NKAIN1: variants seen among roughly 807,000 people sequenced by gnomAD.
The protein encoded by NKAIN1 is sodium/potassium-transporting ATPase subunit beta-1-interacting protein 1.
A neutral mutation model predicts 31.6 loss-of-function variants in NKAIN1; 13 were observed. The observed-to-expected ratio is 0.41, with a 90% confidence interval of 0.27 to 0.65. The LOEUF (loss-of-function observed/expected upper bound fraction) is 0.65. Among genes scored for constraint, NKAIN1 ranks in the 30% least tolerant of loss-of-function variants. NKAIN1 has a pLI of 0.30. For synonymous variants in NKAIN1, 104 were observed against 109.0 expected (o/e 0.95, Z 0.28); for missense variants, 193 against 262.2 (o/e 0.74, Z 1.82).
chr1:31,190,476 C>T (rs941890831), intron 1 of NKAIN1, among the ~76,000 whole-genome samples: 6 of 152,244 alleles, frequency 3.9e-5, no homozygotes, highest in African/African-American at 1.4e-4. Flanking sequence ...TCCAAGGTCA[C>T]ACAGCAGGTT....
At chr1:31,182,164 A>T (rs1570446645) in intron 5 of NKAIN1, among the ~76,000 whole-genome samples, 1 of 151,934 alleles carries the variant, frequency 6.6e-6, no homozygotes, top group East Asian at 1.9e-4. Context: ...GGAGGCGGCG[A>T]GGCCGGGCCA....
chr1:31,231,692 G>A (rs371604838), intron 1 of NKAIN1, among the ~76,000 whole-genome samples: 24 of 21,120 alleles, frequency 1.1e-3, no homozygotes, highest in Admixed American at 4.1e-3. Context: ...CACCACGCCC[G>A]GCTAATTTTT....
intron 1 of NKAIN1, among the ~76,000 whole-genome samples, chr1:31,197,975 C>A (rs1034774267): frequency 6.6e-6 from 1 of 152,198 alleles, no homozygotes; most frequent in East Asian, 1.9e-4. Flanking sequence ...ACCTCAGCCT[C>A]CTGAGTAGCT....
At chr1:31,199,245 GACTC>G (rs1487090974) in intron 1 of NKAIN1, among the ~76,000 whole-genome samples, 1 of 152,136 alleles carries the variant, frequency 6.6e-6, no homozygotes, top group Non-Finnish European at 1.5e-5. Context: ...AGTTCTCATC[GACTC>G]ACTGTGTGAC....
chr1:31,230,464 G>T (rs1381231886), intron 1 of NKAIN1, among the ~76,000 whole-genome samples: 1 of 152,208 alleles, frequency 6.6e-6, no homozygotes, highest in East Asian at 1.9e-4. Flanking sequence ...TTTGAGAGGG[G>T]CCAGGAGGCC....
chr1:31,213,467 G>A (rs1466751421), intron 1 of NKAIN1, among the ~76,000 whole-genome samples: 1 of 152,192 alleles, frequency 6.6e-6, no homozygotes, highest in Non-Finnish European at 1.5e-5. Context: ...ACTCTCATGT[G>A]TTGCTGGTGG....
At chr1:31,186,578 C>A (rs1318150395) in intron 2 of NKAIN1, among the ~76,000 whole-genome samples, 1 of 151,790 alleles carries the variant, frequency 6.6e-6, no homozygotes, top group Non-Finnish European at 1.5e-5. Context: ...GGAACCAGGG[C>A]AGGTGGAGGC....
At chr1:31,184,099 C>T (rs1042568435) in intron 3 of NKAIN1, 85 bp from the exon 4 acceptor site, 12 of 1,240,156 alleles carry the variant, frequency 9.7e-6, no homozygotes, top group African/African-American at 1.5e-5. Flanking sequence ...CTATATTGAT[C>T]GGTGAAGGGA....
chr1:31,181,432 A>AAAAC lies in NKAIN1; in HGVS notation c.*267_*270dup. The AAAAC allele has an allele frequency of 2.5e-6, 1 of 394,338 alleles. No homozygotes were observed. Among genetic ancestry groups the AAAAC allele is most frequent in the Non-Finnish European group, 4.5e-6 (1 of 223,172 alleles). The allele number at this position is 394,338 out of a possible 1,614,324, so 24.4% of individuals were successfully genotyped here. ...CCAGCTCACGCCAAGGCTGAGATTA[A>AAAAC]AAACAAACAAACAAAAAACAAAAAA... is the stretch of plus-strand genomic sequence containing the variant. On this transcript the variant is annotated 3_prime_UTR_variant, in exon 7 of 7. Transcript: ENST00000373736.
In NKAIN1 at chr1:31,181,703, C is replaced by A; in HGVS notation, c.624G>T (p.Ter208TyrextTer97). The A allele has an allele frequency of 6.8e-7, 1 of 1,480,788 alleles. No individual in the cohort carries two copies. The highest frequency in any genetic ancestry group is 2.3e-5 in the Admixed American group (1 of 42,660). 91.7% of individuals were successfully genotyped at this position (1,480,788 alleles called of 1,614,324 possible). A position where few individuals can be genotyped will look rare whatever the true frequency, so the allele number is the denominator to read the frequency against. Residue 208 changes from the stop codon to tyrosine, a stop_lost, in exon 7 of 7, where the codon TAG becomes TAT. Coordinates refer to ENST00000373736, the MANE Select transcript of NKAIN1 (RefSeq NM_024522.3). ...CGCCGGGGTGGGCGCGGGGCAGAGG[C>A]TACCCCGACCTGCGGGAAACAAAGG... ...LQLQPLYTSG[*>Y]
intron 1 of NKAIN1, among the ~76,000 whole-genome samples, chr1:31,208,666 C>T (rs1290374345): frequency 6.6e-6 from 1 of 151,822 alleles, no homozygotes; most frequent in Non-Finnish European, 1.5e-5. Context: ...GATGTAAGTG[C>T]ACAGTTTGTT....
intron 1 of NKAIN1, among the ~76,000 whole-genome samples, chr1:31,204,458 G>A (rs952416897): frequency 2.6e-5 from 4 of 152,054 alleles, no homozygotes; most frequent in African/African-American, 4.8e-5. Context: ...ATGTTCCCAC[G>A]TCTAAACTAC....
At chr1:31,232,424 T>TATATATATATAG (rs1313157898) in intron 1 of NKAIN1, among the ~76,000 whole-genome samples, 24 of 16,914 alleles carry the variant, frequency 1.4e-3, no homozygotes, top group Non-Finnish European at 2.1e-3. Context: ...TATATATATA[T>TATATATATATAG]AGAGAGAGAG....
chr1:31,200,024 C>T (rs1305410214), intron 1 of NKAIN1, among the ~76,000 whole-genome samples: 9 of 99,346 alleles, frequency 9.1e-5, no homozygotes, highest in Non-Finnish European at 1.2e-4. Flanking sequence ...CACACACACA[C>T]GCACACACAC....
rs142998548 is a variant in NKAIN1, at chr1:31,197,576, C to T, written c.55-9389G>A. On this transcript the variant is annotated intron_variant, in intron 1 of 6. Coordinates refer to ENST00000373736, the MANE Select transcript of NKAIN1 (RefSeq NM_024522.3). ...TTTTTTTTTTCCCTGAGATGGAGTC[C>T]AGCTTCGTCGCCCAGGTTGGAGTGC... 5.6e-3 allele frequency among the ~76,000 whole-genome samples: 553 copies of T among 99,356 alleles called. 33 individuals carry two copies. In the East Asian group the frequency reaches 0.13, roughly 23 times the overall value. 65.2% of individuals were successfully genotyped at this position (99,356 alleles called of 152,430 possible).
chr1:31,182,635 C>A, intron 4 of NKAIN1, 45 bp from the exon 5 acceptor site: 2 of 1,608,806 alleles, frequency 1.2e-6, no homozygotes, highest in Middle Eastern at 1.7e-4. Flanking sequence ...GGAGTGGGAA[C>A]CTCTTCCTCC....
At chr1:31,220,509 C>T (rs1229445021) in intron 1 of NKAIN1, among the ~76,000 whole-genome samples, 1 of 151,840 alleles carries the variant, frequency 6.6e-6, no homozygotes, top group Non-Finnish European at 1.5e-5. Flanking sequence ...AATCCTGGCA[C>T]TTTGGGAAGC....
chr1:31,234,052 G>C (rs1158129484), intron 1 of NKAIN1, among the ~76,000 whole-genome samples: 2 of 152,202 alleles, frequency 1.3e-5, no homozygotes, highest in Non-Finnish European at 2.9e-5. Context: ...CCATCCCCAG[G>C]TCCCCTGGAG....
intron 1 of NKAIN1, among the ~76,000 whole-genome samples, chr1:31,207,961 C>G (rs1645436794): frequency 6.6e-6 from 1 of 152,114 alleles, no homozygotes; most frequent in Non-Finnish European, 1.5e-5. Context: ...GATCTGCAGG[C>G]TCTAGAGCCT....
Sources: allele counts gnomAD v4.1 joint callset (sites outside exome capture counted in the v4.1 genomes callset), GRCh38; gene constraint gnomAD v4.1.1; transcripts MANE v1.5; gene names NCBI Gene and HGNC (gene_info 2026-07-23, HGNC 2026-07-21).